The following LRPAP1 variants were observed in gnomAD, a reference collection of about 807,000 sequenced individuals.
LRPAP1 encodes alpha-2-macroglobulin receptor-associated protein.
In LRPAP1, 41 loss-of-function variants were observed where a neutral mutation model predicts 39.9. That is an observed-to-expected ratio of 1.03 (90% confidence interval 0.80 to 1.33). LRPAP1 has a LOEUF of 1.33. LRPAP1 is among the 40% of genes most tolerant of loss of function. The probability of loss-of-function intolerance (pLI) is 0.00; values close to 1 mark genes in which losing one functional copy is unlikely to be tolerated. For synonymous variants in LRPAP1, 263 were observed against 212.7 expected (o/e 1.24, Z -2.06); for missense variants, 565 against 482.3 (o/e 1.17, Z -1.61).
At chr4:3,522,938 G>A (rs2108693368) in intron 2 of LRPAP1, among the ~76,000 whole-genome samples, 1 of 152,294 alleles carries the variant, frequency 6.6e-6, no homozygotes, top group East Asian at 1.9e-4. Flanking sequence ...ACTTGATAAT[G>A]GCACGGGGGA....
intron 2 of LRPAP1, among the ~76,000 whole-genome samples, chr4:3,522,919 T>C (rs1435668404): frequency 6.6e-6 from 1 of 152,060 alleles, no homozygotes. Flanking sequence ...CCCCCAGGTA[T>C]GGTATCACAC....
In LRPAP1 at chr4:3,513,152, A is replaced by G. The variant is rs114476357; in HGVS notation, c.1012-116T>C. On this transcript the variant is annotated intron_variant, in intron 7 of 7. Coordinates refer to ENST00000650182, the MANE Select transcript of LRPAP1 (RefSeq NM_002337.4). ...AAAGGAAAAGGCGCAAGCCCTGCAC[A>G]TCTGACTTTCCAATTCCACACCCAT... 1.3e-3 allele frequency: 986 copies of G among 734,790 alleles called. 8 individuals carry two copies. The African/African-American group carries it at 0.015, about 11-fold the overall frequency. 45.5% of individuals were successfully genotyped at this position (734,790 alleles called of 1,614,324 possible). A position where few individuals can be genotyped will look rare whatever the true frequency, so the allele number is the denominator to read the frequency against.
intron 5 of LRPAP1, 147 bp from the exon 6 acceptor site, chr4:3,516,345 A>G: frequency 4.2e-6 from 2 of 473,328 alleles, no homozygotes; most frequent in South Asian, 4.4e-5. Flanking sequence ...GCGTGCACTC[A>G]AAGTCTTATG....
chr4:3,522,615 CT>C lies in LRPAP1; in HGVS notation c.349+2291del, dbSNP rs1729947263. Reference sequence around the variant, plus strand: ...TCGGACGCCGCCCCACACCCCCTGCCTGGGGAGGACAGACGCCGCCCCACAC... The same window carrying C: ...TCGGACGCCGCCCCACACCCCCTGCCGGGGAGGACAGACGCCGCCCCACAC... On this transcript the variant is annotated intron_variant, in intron 2 of 7. Coordinates refer to ENST00000650182, the MANE Select transcript of LRPAP1 (RefSeq NM_002337.4). Among the ~76,000 whole-genome samples, 4 of 142,502 alleles carry C rather than the reference CT, an allele frequency of 2.8e-5. 1 individual carries two copies. Among genetic ancestry groups the C allele is most frequent in the African/African-American group, 1.0e-4 (4 of 38,134 alleles). 93.5% of individuals were successfully genotyped at this position (142,502 alleles called of 152,430 possible).
At chr4:3,531,731 C>G (rs973297615) in intron 1 of LRPAP1, among the ~76,000 whole-genome samples, 1 of 152,256 alleles carries the variant, frequency 6.6e-6, no homozygotes, top group Admixed American at 6.5e-5. Context: ...CCCATCTCCT[C>G]ACCTCCTCAT....
chr4:3,504,816 A>G lies in LRPAP1; in HGVS notation c.*8158T>C. Among the ~76,000 whole-genome samples the G allele has an allele frequency of 6.6e-6, 1 of 151,878 alleles. No individual in the cohort carries two copies. Among genetic ancestry groups the G allele is most frequent in the East Asian group, 1.9e-4 (1 of 5,178 alleles). On this transcript the variant is annotated 3_prime_UTR_variant, in exon 8 of 8. Coordinates refer to ENST00000650182, the MANE Select transcript of LRPAP1 (RefSeq NM_002337.4). ...AGAAAAATTAGCTGGGTATGGTGGCAGGTGCCCATAATCCCAGCTACTTGG... is the reference window on the plus strand; with the variant it reads ...AGAAAAATTAGCTGGGTATGGTGGCGGGTGCCCATAATCCCAGCTACTTGG...
intron 7 of LRPAP1, 95 bp downstream of exon 7, chr4:3,514,657 C>T (rs1729634256): frequency 2.1e-6 from 3 of 1,445,084 alleles, no homozygotes; most frequent in Non-Finnish European, 2.8e-6. Context: ...GTGGGGCCCA[C>T]ACCCCATCTA....
rs1173514846 is a variant in LRPAP1 at position 3,516,179 on chromosome 4, C to G, written c.771G>C (p.Val257=). 6.3e-7 allele frequency: 1 copy of G among 1,578,674 alleles called. No homozygotes were observed. The highest frequency in any genetic ancestry group is 1.8e-5 in the Admixed American group (1 of 54,080). The part of the protein sequence containing the change: ...STEAEFEEPR[V]IDLWDLAQSA... ...ACTGCGCCAGGTCCCACAGGTCAAT[C>G]ACCCTGGGCTCCTCGAACTCTGCAG... Residue 257 remains valine, a synonymous_variant, in exon 6 of 8, where the codon GTG becomes GTC. Coordinates refer to ENST00000650182, the MANE Select transcript of LRPAP1 (RefSeq NM_002337.4).
intron 1 of LRPAP1, among the ~76,000 whole-genome samples, chr4:3,531,572 G>A (rs1730254616): frequency 6.6e-6 from 1 of 152,178 alleles, no homozygotes; most frequent in Non-Finnish European, 1.5e-5. Context: ...GTCCCGGGGG[G>A]CCCCACCGGC....
At chr4:3,529,636 G>C (rs1420913323) in intron 1 of LRPAP1, among the ~76,000 whole-genome samples, 1 of 152,182 alleles carries the variant, frequency 6.6e-6, no homozygotes, top group African/African-American at 2.4e-5. Flanking sequence ...GGAACTGGGA[G>C]AGTCACAGAA....
At chr4:3,523,536 A>G (rs1431486208) in intron 2 of LRPAP1, among the ~76,000 whole-genome samples, 2 of 151,920 alleles carry the variant, frequency 1.3e-5, no homozygotes, top group African/African-American at 4.8e-5. Context: ...CTGGGAACAG[A>G]CCACCTGCTC....
At chr4:3,514,095 G>A (rs1418884086) in intron 7 of LRPAP1, among the ~76,000 whole-genome samples, 1 of 152,268 alleles carries the variant, frequency 6.6e-6, no homozygotes, top group Non-Finnish European at 1.5e-5. Context: ...CTGAGCTCCT[G>A]CCCACGGGCA....
Position 3,512,890 on chromosome 4 carries a change from G to C in LRPAP1, c.*84C>G, listed in dbSNP as rs1462220485. 1.6e-6 allele frequency: 2 copies of C among 1,250,786 alleles called. No individual in the cohort carries two copies. Among genetic ancestry groups the C allele is most frequent in the Admixed American group, 4.5e-5 (2 of 44,344 alleles). 77.5% of individuals were successfully genotyped at this position (1,250,786 alleles called of 1,614,324 possible). A position where few individuals can be genotyped will look rare whatever the true frequency, so the allele number is the denominator to read the frequency against. On this transcript the variant is annotated 3_prime_UTR_variant, in exon 8 of 8. Transcript: ENST00000650182. ...TGCCAGCCCCAGCCACCCTGACGGC[G>C]GGCTGTCCACGGAAATGCCACGGCC... is the stretch of plus-strand genomic sequence containing the variant.
intron 6 of LRPAP1, chr4:3,515,777 G>A (rs1021204615): frequency 2.3e-5 from 8 of 347,320 alleles, no homozygotes; most frequent in Non-Finnish European, 4.3e-5. Flanking sequence ...ACCCCTAAAC[G>A]ATCCCGGTAG....
chr4:3,517,767 G>A (rs546590006), intron 5 of LRPAP1: 12 of 393,330 alleles, frequency 3.1e-5, no homozygotes, highest in African/African-American at 1.0e-4. Context: ...CTGGGGAGAC[G>A]CTGGGAAGGG....
In LRPAP1 at chr4:3,532,422, C is replaced by A. The variant is rs371652192; in HGVS notation, c.-10G>T. The A allele has an allele frequency of 1.1e-5, 17 of 1,553,372 alleles. No individual in the cohort carries two copies. Among genetic ancestry groups the A allele is most frequent in the Middle Eastern group, 2.2e-4 (1 of 4,454 alleles). On this transcript the variant is annotated 5_prime_UTR_variant, in exon 1 of 8. Coordinates refer to ENST00000650182, the MANE Select transcript of LRPAP1 (RefSeq NM_002337.4). Reference sequence around the variant, plus strand: ...CCCTCCGCGGCGCCATCTTCCTCTGCGACTGGCGCTGCGCGGAGAAAACCT... The same window carrying A: ...CCCTCCGCGGCGCCATCTTCCTCTGAGACTGGCGCTGCGCGGAGAAAACCT...
rs112750320 is a variant in LRPAP1 at position 3,512,209 on chromosome 4, C to T, written c.*765G>A. On this transcript the variant is annotated 3_prime_UTR_variant, in exon 8 of 8. Transcript: ENST00000650182. ...TCAGCTATGGTCAGAGGAAGGCCTC[C>T]GTGGCTGTCTCTCCCCCATGAGATG... 4,612 of 152,472 alleles carry T rather than the reference C, an allele frequency of 0.03. 98 individuals carry two copies. The highest frequency in any genetic ancestry group is 0.036 in the Non-Finnish European group (2,452 of 68,136). 9.4% of individuals were successfully genotyped at this position (152,472 alleles called of 1,614,324 possible).
intron 2 of LRPAP1, among the ~76,000 whole-genome samples, chr4:3,521,516 C>T (rs1729908464): frequency 6.6e-6 from 1 of 152,172 alleles, no homozygotes; most frequent in Admixed American, 6.5e-5. Flanking sequence ...AGTGTCCCTG[C>T]TCGAGGGACA....
At chr4:3,524,489 C>T (rs895103785) in intron 2 of LRPAP1, among the ~76,000 whole-genome samples, 9 of 152,248 alleles carry the variant, frequency 5.9e-5, no homozygotes, top group African/African-American at 2.2e-4. Flanking sequence ...CCTTGGCCCT[C>T]CCTCTGGCGT....
Sources: gnomAD v4.1 joint callset for allele counts (sites outside exome capture counted in the v4.1 genomes callset) on GRCh38, gnomAD v4.1.1 for gene constraint, MANE v1.5 for transcripts, NCBI Gene and HGNC (gene_info 2026-07-23, HGNC 2026-07-21) for gene names.